WDR3: variants seen among roughly 807,000 people sequenced by gnomAD.
WDR3 encodes the protein WD repeat-containing protein 3.
A neutral mutation model predicts 123.7 loss-of-function variants in WDR3; 81 were observed. The observed-to-expected ratio is 0.65, with a 90% confidence interval of 0.55 to 0.79. WDR3 has a LOEUF of 0.79. WDR3 is among the 30% of genes least tolerant of loss of function. The pLI, the probability that WDR3 is intolerant of heterozygous loss-of-function variation, is 0.00. For missense variants in WDR3, 1,027 were observed against 1,123.2 expected (o/e 0.91, Z 1.22); for synonymous variants, 390 against 388.8 (o/e 1.00, Z -0.04).
chr1:117,959,699 A>AAG lies in WDR3; in HGVS notation c.*252_*253insAG, dbSNP rs1265872441. ...TGTGCTCTCAAAGCTTGAGCCTTGC[A>AAG]GCTCAAGCTTGTTGTTCCCTTTATA... On this transcript the variant is annotated 3_prime_UTR_variant, in exon 27 of 27. Coordinates refer to ENST00000349139, the MANE Select transcript of WDR3 (RefSeq NM_006784.3). The AAG allele has an allele frequency of 3.8e-5, 12 of 314,192 alleles. No homozygotes were observed. The highest frequency in any genetic ancestry group is 2.4e-4 in the Admixed American group (5 of 20,736). The allele number at this position is 314,192 out of a possible 1,614,324, so 19.5% of individuals were successfully genotyped here.
chr1:117,950,861 C>T lies in WDR3; in HGVS notation c.1774C>T (p.Leu592=). ...KFFLSLYGHK[L]PVICMDISHD... Reference sequence around the variant, plus strand: ...TTTTCTGTCACTGTATGGACACAAACTGCCTGTTATATGCATGGACATCTC... The same window carrying T: ...TTTTCTGTCACTGTATGGACACAAATTGCCTGTTATATGCATGGACATCTC... Residue 592 remains leucine (L), a synonymous_variant, in exon 16 of 27, where the codon CTG becomes TTG. Transcript: ENST00000349139. The T allele has an allele frequency of 6.2e-7, 1 of 1,609,656 alleles. No individual in the cohort carries two copies. The highest frequency in any genetic ancestry group is 8.5e-7 in the Non-Finnish European group (1 of 1,178,730).
At chr1:117,948,555 C>G in intron 13 of WDR3, 49 bp downstream of exon 13, 1 of 1,400,384 alleles carries the variant, frequency 7.1e-7, no homozygotes, top group Non-Finnish European at 9.8e-7. Flanking sequence ...TGTGGCTACC[C>G]TGATTTCTCT....
At position 117,948,466 on chromosome 1, in the gene WDR3, A is replaced by G; in HGVS notation, c.1484A>G (p.His495Arg). The G allele has an allele frequency of 1.9e-6, 3 of 1,614,080 alleles. No individual in the cohort carries two copies. The highest frequency in any genetic ancestry group is 2.5e-6 in the Non-Finnish European group (3 of 1,179,962). Reference protein sequence around the residue: ...SGNLLETIDAHDGALWSMSLS... With the variant: ...SGNLLETIDARDGALWSMSLS... Reference sequence around the variant, plus strand: ...AATCTGCTGGAGACAATAGATGCACATGATGGAGCTTTGTGGTCCATGTCC... The same window carrying G: ...AATCTGCTGGAGACAATAGATGCACGTGATGGAGCTTTGTGGTCCATGTCC... The change falls in exon 13 of 27, where the codon CAT (histidine) becomes CGT (arginine). Residue 495 changes from histidine to arginine, a missense_variant. By Grantham distance (29) the His-to-Arg change is conservative (BLOSUM62 0). Coordinates refer to ENST00000349139, the MANE Select transcript of WDR3 (RefSeq NM_006784.3).
intron 23 of WDR3, 131 bp downstream of exon 23, chr1:117,954,758 ATCTT>A: frequency 1.0e-6 from 1 of 971,950 alleles, no homozygotes; most frequent in Non-Finnish European, 1.5e-6. Flanking sequence ...TCTCTTTTGA[ATCTT>A]GGCATTCTCT....
intron 22 of WDR3, 40 bp from the exon 23 acceptor site, chr1:117,954,540 T>C: frequency 6.3e-7 from 1 of 1,597,274 alleles, no homozygotes; most frequent in Non-Finnish European, 8.6e-7. Context: ...TACCTAAGTC[T>C]CAGTTTTTTT....
intron 1 of WDR3, among the ~76,000 whole-genome samples, chr1:117,930,745 A>C (rs2101186171): frequency 6.6e-6 from 1 of 152,358 alleles, no homozygotes. Flanking sequence ...GGAATTGACT[A>C]AAGAGAAAGA....
rs751166241 is a variant in WDR3, at chr1:117,954,115, A to G, written c.2361+16A>G. The G allele has an allele frequency of 6.3e-7, 1 of 1,585,440 alleles. No individual in the cohort carries two copies. Among genetic ancestry groups the G allele is most frequent in the Non-Finnish European group, 8.6e-7 (1 of 1,162,558 alleles). On this transcript the variant is annotated intron_variant, in intron 22 of 26. Coordinates refer to ENST00000349139, the MANE Select transcript of WDR3 (RefSeq NM_006784.3). ...AGGGAAAGAGGTAATAAGAGAGTAC[A>G]GTAAGTTACAGTATCAATAAAGGGA...
chr1:117,938,677 C>T (rs1005626986), intron 5 of WDR3, 119 bp downstream of exon 5: 4 of 787,900 alleles, frequency 5.1e-6, no homozygotes, highest in Non-Finnish European at 7.8e-6. Context: ...TATCATATGC[C>T]ATCTTGAGGG....
At position 117,941,071 on chromosome 1, in the gene WDR3, G is replaced by A. The variant is rs1363869540; in HGVS notation, c.790-53G>A. ...ACTTATTAGAATTATGTTTTTTTCA[G>A]AAGTTCAGCAGAACTTACATCTAAC... On this transcript the variant is annotated intron_variant, in intron 7 of 26. Coordinates refer to ENST00000349139, the MANE Select transcript of WDR3 (RefSeq NM_006784.3). The A allele has an allele frequency of 3.1e-6, 5 of 1,596,376 alleles. No homozygotes were observed. In the African/African-American group the frequency reaches 5.4e-5, roughly 17 times the overall value.
intron 5 of WDR3, 133 bp from the exon 6 acceptor site, chr1:117,939,344 T>C (rs1651060201): frequency 1.2e-6 from 1 of 834,600 alleles, no homozygotes; most frequent in Non-Finnish European, 1.9e-6. Context: ...TTGAAAGGGT[T>C]GTCGATATGC....
intron 6 of WDR3, 68 bp downstream of exon 6, chr1:117,939,640 G>C (rs1651072919): frequency 1.5e-5 from 22 of 1,478,096 alleles, no homozygotes; most frequent in Non-Finnish European, 2.1e-5. Flanking sequence ...TTTAGAATCA[G>C]ATGTAATTAT....
rs2101203546 is a variant in WDR3 at position 117,941,844 on chromosome 1, CA to C, written c.989del (p.Lys330AsnfsTer18). 1 of 1,606,586 alleles carries C rather than the reference CA, an allele frequency of 6.2e-7. No homozygotes were observed. The highest frequency in any genetic ancestry group is 8.5e-7 in the Non-Finnish European group (1 of 1,177,882). ...AAGATGAAGAAAGCTAGAAAGAAAG[CA>C]AAGTATGTTTTCTTAATACTTACAT... ...DKKMKKARKK[A>X]KLHSSKGEEE... On this transcript the variant is annotated frameshift_variant and splice_region_variant, in exon 9 of 27. Coordinates refer to ENST00000349139, the MANE Select transcript of WDR3 (RefSeq NM_006784.3). LOFTEE classifies it high-confidence loss of function.
intron 6 of WDR3, among the ~76,000 whole-genome samples, chr1:117,939,882 C>T (rs1651079413): frequency 1.3e-5 from 2 of 152,142 alleles, no homozygotes; most frequent in African/African-American, 4.8e-5. Flanking sequence ...AACCTTTCCC[C>T]TCAAATATAT....
Position 117,952,517 on chromosome 1 carries a change from T to G in WDR3, c.2017-11T>G. On this transcript the variant is annotated splice_polypyrimidine_tract_variant and intron_variant, in intron 18 of 26. Transcript: ENST00000349139. ...GAATGAGGTATTCTTTATTTTTTTT[T>G]TCTCCTCCAGGGTCATCACCAGGAA... is the stretch of plus-strand genomic sequence containing the variant. 3 of 1,597,464 alleles carry G rather than the reference T, an allele frequency of 1.9e-6. No individual in the cohort carries two copies. Among genetic ancestry groups the G allele is most frequent in the Non-Finnish European group, 2.6e-6 (3 of 1,175,024 alleles).
At chr1:117,940,521 C>T (rs1020077668) in intron 6 of WDR3, among the ~76,000 whole-genome samples, 5 of 152,034 alleles carry the variant, frequency 3.3e-5, no homozygotes, top group East Asian at 1.9e-4. Flanking sequence ...TCCACACACA[C>T]GTTTGAGGCC....
chr1:117,956,971 A>G (rs1652290562), intron 24 of WDR3, 97 bp from the exon 25 acceptor site: 3 of 1,100,304 alleles, frequency 2.7e-6, no homozygotes, highest in Non-Finnish European at 3.8e-6. Context: ...CAAGTATAAA[A>G]TCAGTAGAAA....
At position 117,939,541 on chromosome 1, in the gene WDR3, T is replaced by C; in HGVS notation, c.644T>C (p.Leu215Pro). 3 of 1,613,794 alleles carry C rather than the reference T, an allele frequency of 1.9e-6. No individual in the cohort carries two copies. The highest frequency in any genetic ancestry group is 2.5e-6 in the Non-Finnish European group (3 of 1,179,722). The change falls in exon 6 of 27, where the codon CTG becomes CCG. Residue 215 changes from leucine (L) to proline (P), a missense_variant. Leu to Pro is a moderately conservative substitution (Grantham distance 98). Coordinates refer to ENST00000349139, the MANE Select transcript of WDR3 (RefSeq NM_006784.3). ...ATCACTGGGGCCTCAGACAGTGAAC[T>C]GAGGGTATGGGACATAGCTTATCTG... ...RLITGASDSE[L>P]RVWDIAYLQE...
Position 117,963,969 on chromosome 1 carries a change from A to G in WDR3, c.*4522A>G. 6.3e-7 allele frequency: 1 copy of G among 1,592,276 alleles called. No individual in the cohort carries two copies. The highest frequency in any genetic ancestry group is 8.6e-7 in the Non-Finnish European group (1 of 1,169,550). Reference sequence around the variant, plus strand: ...ATACTTGTTAAGGGCTGTGCTTTTCATGACTAAATTATTTGCATATATAAA... The same window carrying G: ...ATACTTGTTAAGGGCTGTGCTTTTCGTGACTAAATTATTTGCATATATAAA... On this transcript the variant is annotated 3_prime_UTR_variant, in exon 27 of 27. Transcript: ENST00000349139.
Position 117,960,419 on chromosome 1 carries a change from T to C in WDR3, c.*972T>C, listed in dbSNP as rs1652911638. The stretch of plus-strand genomic sequence containing the variant: ...AGAGAAAATATATTTACTGTGTTTA[T>C]CAATACTATAAGTGTATGTCATCTG... On this transcript the variant is annotated 3_prime_UTR_variant, in exon 27 of 27. Coordinates refer to ENST00000349139, the MANE Select transcript of WDR3 (RefSeq NM_006784.3). The C allele has an allele frequency of 1.3e-5, 2 of 152,226 alleles. No homozygotes were observed. Among genetic ancestry groups the C allele is most frequent in the Non-Finnish European group, 2.9e-5 (2 of 68,046 alleles). The allele number at this position is 152,226 out of a possible 1,614,324, so 9.4% of individuals were successfully genotyped here.
Sources: allele counts gnomAD v4.1 joint callset (sites outside exome capture counted in the v4.1 genomes callset), GRCh38; gene constraint gnomAD v4.1.1; transcripts MANE v1.5; gene names NCBI Gene and HGNC (gene_info 2026-07-23, HGNC 2026-07-21).